The following ZNF445 variants were observed in gnomAD, a reference collection of about 807,000 sequenced individuals.
ZNF445 encodes zinc finger protein 445, also known as zinc finger protein 168.
Under a neutral mutation model 93.9 loss-of-function variants are expected in ZNF445, and 19 were observed. The observed-to-expected ratio is 0.20, with a 90% CI of 0.14 to 0.30. The LOEUF (loss-of-function observed/expected upper bound fraction) is 0.30. Ranked by LOEUF, ZNF445 falls within the 10% of genes least tolerant of loss-of-function variation. ZNF445 has a pLI of 1.00. For missense variants in ZNF445, 1,058 were observed against 1,259.4 expected (o/e 0.84, Z 2.42); for synonymous variants, 449 against 446.3 (o/e 1.01, Z -0.08).
chr3:44,442,837 TCAA>T lies in ZNF445; in HGVS notation c.*3735_*3737del, dbSNP rs1180891553. On this transcript the variant is annotated 3_prime_UTR_variant, in exon 8 of 8. Transcript: ENST00000396077. ...GTGTGTGTTTGTGGGTGGCTTCCAG[TCAA>T]CATTTCACCCCACAGCCCCTTAAAA... 1.3e-5 allele frequency: 2 copies of T among 151,896 alleles called. No individual in the cohort carries two copies. The highest frequency in any genetic ancestry group is 4.8e-5 in the African/African-American group (2 of 41,338). 9.4% of individuals were successfully genotyped at this position (151,896 alleles called of 1,614,324 possible).
rs1453894976 is a variant in ZNF445 at position 44,449,020 on chromosome 3, AG to A, written c.932-282del. On this transcript the variant is annotated intron_variant, in intron 7 of 7. Coordinates refer to ENST00000396077, the MANE Select transcript of ZNF445 (RefSeq NM_181489.6). Reference sequence around the variant, plus strand: ...GAAAGTGTTAAACAGCCAGAGTGGGAGAAAAATCATGGCATTATAGAAAGGT... The same window carrying A: ...GAAAGTGTTAAACAGCCAGAGTGGGAAAAAATCATGGCATTATAGAAAGGT... Among the ~76,000 whole-genome samples, 3 of 152,350 alleles carry A rather than the reference AG, an allele frequency of 2.0e-5. No individual in the cohort carries two copies. The East Asian group carries it at 5.8e-4, about 29-fold the overall frequency.
chr3:44,440,856 C>G lies in ZNF445; in HGVS notation c.*5719G>C, dbSNP rs1488563480. On this transcript the variant is annotated 3_prime_UTR_variant, in exon 8 of 8. Coordinates refer to ENST00000396077, the MANE Select transcript of ZNF445 (RefSeq NM_181489.6). ...GGAAAGGTGTGAGCAATTACCAGAA[C>G]TGAGGGTTCCTCTCCTTTTTAGACC... The G allele has an allele frequency of 2.0e-5, 3 of 151,640 alleles. No homozygotes were observed. Among genetic ancestry groups the G allele is most frequent in the African/African-American group, 4.8e-5 (2 of 41,286 alleles). 9.4% of individuals were successfully genotyped at this position (151,640 alleles called of 1,614,324 possible).
At chr3:44,463,854 A>G (rs1698154890) in intron 1 of ZNF445, among the ~76,000 whole-genome samples, 1 of 151,526 alleles carries the variant, frequency 6.6e-6, no homozygotes, top group Admixed American at 6.6e-5. Flanking sequence ...TCGACTGGTC[A>G]TGGTAGCTCA....
In ZNF445 at chr3:44,448,069, A is replaced by T; in HGVS notation, c.1602T>A (p.Ile534=). The T allele has an allele frequency of 1.2e-6, 2 of 1,612,728 alleles. No homozygotes were observed. The highest frequency in any genetic ancestry group is 1.7e-6 in the Non-Finnish European group (2 of 1,179,984). Residue 534 remains isoleucine, a synonymous_variant, in exon 8 of 8, where the codon ATT becomes ATA. Transcript: ENST00000396077. The part of the protein sequence containing the change: ...WSSNCARHEK[I]HTGVKPYKCD... Reference sequence around the variant, plus strand: ...ATTTATAAGGCTTCACTCCAGTGTGAATTTTCTCATGCCGCGCACAGTTGG... The same window carrying T: ...ATTTATAAGGCTTCACTCCAGTGTGTATTTTCTCATGCCGCGCACAGTTGG...
intron 3 of ZNF445, 84 bp downstream of exon 3, chr3:44,455,037 T>C: frequency 1.3e-6 from 2 of 1,552,678 alleles, no homozygotes; most frequent in Non-Finnish European, 1.8e-6. Flanking sequence ...ATATTGACAG[T>C]TTAGAGGGCC....
intron 1 of ZNF445, among the ~76,000 whole-genome samples, chr3:44,464,728 G>A (rs981581078): frequency 7.9e-5 from 12 of 152,130 alleles, no homozygotes; most frequent in Non-Finnish European, 1.2e-4. Flanking sequence ...AGCCATGCCC[G>A]TTGGCTATGC....
intron 4 of ZNF445, 66 bp from the exon 5 acceptor site, chr3:44,451,028 C>T (rs1331231702): frequency 2.2e-6 from 3 of 1,341,206 alleles, no homozygotes; most frequent in Non-Finnish European, 3.0e-6. Flanking sequence ...GCCCACTCTT[C>T]CCCCCAGTAG....
intron 1 of ZNF445, among the ~76,000 whole-genome samples, chr3:44,458,795 A>G (rs1478471701): frequency 6.6e-6 from 1 of 152,154 alleles, no homozygotes; most frequent in Non-Finnish European, 1.5e-5. Context: ...CTGGCCGTAA[A>G]TTCTCTGACC....
chr3:44,469,132 A>G (rs187035863), intron 1 of ZNF445, among the ~76,000 whole-genome samples: 1 of 152,108 alleles, frequency 6.6e-6, no homozygotes, highest in Non-Finnish European at 1.5e-5. Flanking sequence ...TAACTGCTTT[A>G]CTGTACACCA....
At chr3:44,458,717 T>C (rs1049428831) in intron 1 of ZNF445, among the ~76,000 whole-genome samples, 2 of 152,160 alleles carry the variant, frequency 1.3e-5, no homozygotes, top group South Asian at 2.1e-4. Flanking sequence ...ACCTGCTCCT[T>C]TTTCTCCCCA....
Position 44,455,218 on chromosome 3 carries a change from A to C in ZNF445, c.332T>G (p.Leu111Arg). ...EQFLSILPGE[L>R]RVWVQLHNPE... ...GTTATGAAGCTGCACCCAAACCCGG[A>C]GCTCCCCAGGCAGGATGCTCAGGAA... The change falls in exon 3 of 8, where the codon CTC becomes CGC. Residue 111 changes from leucine (L) to arginine (R), a missense_variant. Physicochemically the swap from Leu to Arg is moderately radical, Grantham distance 102. Around this residue, in one of 3 missense-constraint regions of ZNF445, gnomAD observed 657 missense variants for 746.4 expected, o/e 0.88. Transcript: ENST00000396077. 1 of 1,614,114 alleles carries C rather than the reference A, an allele frequency of 6.2e-7. No homozygotes were observed. Among genetic ancestry groups the C allele is most frequent in the Non-Finnish European group, 8.5e-7 (1 of 1,180,016 alleles).
In ZNF445 at chr3:44,442,079, A is replaced by G. The variant is rs1224097851; in HGVS notation, c.*4496T>C. On this transcript the variant is annotated 3_prime_UTR_variant, in exon 8 of 8. Transcript: ENST00000396077. ...GAAAAAGTGAAAAACAAGTTGAAGT[A>G]ACGTGCCCACAGGTACACAGTATGC... The G allele has an allele frequency of 6.6e-6, 1 of 152,206 alleles. No individual in the cohort carries two copies. Among genetic ancestry groups the G allele is most frequent in the Non-Finnish European group, 1.5e-5 (1 of 68,054 alleles). 9.4% of individuals were successfully genotyped at this position (152,206 alleles called of 1,614,324 possible).
At position 44,438,954 on chromosome 3, in the gene ZNF445, A is replaced by C. The variant is rs182985390; in HGVS notation, c.*7621T>G. ...AGTGGGTGCAGCGCACCAGCATGGC[A>C]CATGTATACATATGTAACTAACCTG... is the stretch of plus-strand genomic sequence containing the variant. On this transcript the variant is annotated 3_prime_UTR_variant, in exon 8 of 8. Coordinates refer to ENST00000396077, the MANE Select transcript of ZNF445 (RefSeq NM_181489.6). 6.7e-6 allele frequency: 1 copy of C among 150,292 alleles called. No homozygotes were observed. The highest frequency in any genetic ancestry group is 1.5e-5 in the Non-Finnish European group (1 of 67,624). 9.3% of individuals were successfully genotyped at this position (150,292 alleles called of 1,614,324 possible). A position where few individuals can be genotyped will look rare whatever the true frequency, so the allele number is the denominator to read the frequency against.
chr3:44,467,443 T>C (rs1229816320), intron 1 of ZNF445, among the ~76,000 whole-genome samples: 1 of 152,164 alleles, frequency 6.6e-6, no homozygotes, highest in Non-Finnish European at 1.5e-5. Context: ...TCTGGCCTCA[T>C]ACCTTGTCCA....
In ZNF445 at chr3:44,473,480, CACACACACACAA is replaced by C. The variant is rs748384877; in HGVS notation, c.-269+4099_-269+4110del. ...ACACACACACACACACACACACACA[CACACACACACAA>C]AAAATGCTTTCAGTATATATTTAAA... On this transcript the variant is annotated intron_variant, in intron 1 of 7. Coordinates refer to ENST00000396077, the MANE Select transcript of ZNF445 (RefSeq NM_181489.6). Among the ~76,000 whole-genome samples, 563 of 130,162 alleles carry C rather than the reference CACACACACACAA, an allele frequency of 4.3e-3. 4 individuals carry two copies. The highest frequency in any genetic ancestry group is 0.016 in the East Asian group (42 of 2,636). The allele number at this position is 130,162 out of a possible 152,430, so 85.4% of individuals were successfully genotyped here.
rs1222544672 is a variant in ZNF445, at chr3:44,436,173, C to G, written c.*10402G>C. The G allele has an allele frequency of 6.6e-6, 1 of 152,234 alleles. No individual in the cohort carries two copies. Among genetic ancestry groups the G allele is most frequent in the Non-Finnish European group, 1.5e-5 (1 of 68,050 alleles). The allele number at this position is 152,234 out of a possible 1,614,324, so 9.4% of individuals were successfully genotyped here. The stretch of plus-strand genomic sequence containing the variant: ...TTAGGTCAGACTTTATTCACCAGAT[C>G]TGGAGCTTTCCTACTTACTCGGATC... On this transcript the variant is annotated 3_prime_UTR_variant, in exon 8 of 8. Transcript: ENST00000396077.
chr3:44,450,344 G>A, intron 6 of ZNF445, 103 bp downstream of exon 6: 1 of 1,459,756 alleles, frequency 6.9e-7, no homozygotes, highest in Admixed American at 1.7e-5. Context: ...CAGTTACAGA[G>A]CCAGGATCTA....
rs765394857 is a variant in ZNF445 at position 44,448,408 on chromosome 3, G to A, written c.1263C>T (p.Phe421=). The part of the protein sequence containing the change: ...ESLKHGCGKH[F]RMSSHHYDYK... ...AGTCATAGTGGTGTGAACTCATTCTGAAGTGTTTGCCACAGCCATGTTTAA... is the reference window on the plus strand; with the variant it reads ...AGTCATAGTGGTGTGAACTCATTCTAAAGTGTTTGCCACAGCCATGTTTAA... The change falls in exon 8 of 8, where the codon TTC becomes TTT. Residue 421 remains phenylalanine (F), a synonymous_variant. Coordinates refer to ENST00000396077, the MANE Select transcript of ZNF445 (RefSeq NM_181489.6). 4.3e-6 allele frequency: 7 copies of A among 1,614,094 alleles called. No homozygotes were observed. The African/African-American group carries it at 8.0e-5, about 18-fold the overall frequency.
Position 44,446,122 on chromosome 3 carries a change from T to G in ZNF445, c.*453A>C. 1 of 172,740 alleles carries G rather than the reference T, an allele frequency of 5.8e-6. No homozygotes were observed. The highest frequency in any genetic ancestry group is 1.2e-5 in the Non-Finnish European group (1 of 81,978). 10.7% of individuals were successfully genotyped at this position (172,740 alleles called of 1,614,324 possible). On this transcript the variant is annotated 3_prime_UTR_variant, in exon 8 of 8. Coordinates refer to ENST00000396077, the MANE Select transcript of ZNF445 (RefSeq NM_181489.6). The surrounding 1 kb of genome is among the most constrained non-coding windows in gnomAD (Gnocchi z 4.2). ...AGGGGGCATTTGGGAAGGCTAGGAG[T>G]TCTTGATGCTGCTGCTTTTAAAGTC...
Sources: allele counts gnomAD v4.1 joint callset (sites outside exome capture counted in the v4.1 genomes callset), GRCh38; gene constraint gnomAD v4.1.1; regional missense constraint gnomAD v4.1.1; non-coding constraint Gnocchi (gnomAD v3.1); transcripts MANE v1.5; gene names NCBI Gene and HGNC (gene_info 2026-07-23, HGNC 2026-07-21).